Variants in CNTNAP2 observed in about 807,000 individuals in gnomAD.
CNTNAP2 encodes the protein contactin associated protein 2.
In CNTNAP2, 98 loss-of-function variants were observed where a neutral mutation model predicts 155.2. The ratio of observed to expected loss-of-function variants is 0.63; its 90% CI spans 0.54 to 0.75. CNTNAP2 has a LOEUF of 0.75. CNTNAP2 is among the 30% of genes least tolerant of loss of function. The probability of loss-of-function intolerance (pLI) is 0.00; values close to 1 mark genes in which losing one functional copy is unlikely to be tolerated. For synonymous variants in CNTNAP2, 651 were observed against 631.2 expected, an observed-to-expected ratio of 1.03 and a Z score of -0.47; for missense variants, 1,727 against 1,688.1, an observed-to-expected ratio of 1.02 and a Z score of -0.40.
chr7:147,052,434 A>G (rs1018562730), intron 4 of CNTNAP2, among the ~76,000 whole-genome samples: 3 of 152,054 alleles, frequency 2.0e-5, no homozygotes, highest in Non-Finnish European at 4.4e-5. Flanking sequence ...ACTGATTACT[A>G]TTTGAGGATG....
intron 1 of CNTNAP2, among the ~76,000 whole-genome samples, chr7:146,279,706 A>G (rs1405985690): frequency 6.6e-6 from 1 of 152,070 alleles, no homozygotes; most frequent in Non-Finnish European, 1.5e-5. Context: ...CAGAAAAAAT[A>G]TAACTGTAGT....
At chr7:148,055,183 C>T (rs1802984299) in intron 15 of CNTNAP2, among the ~76,000 whole-genome samples, 1 of 152,080 alleles carries the variant, frequency 6.6e-6, no homozygotes, top group Admixed American at 6.5e-5. Flanking sequence ...CATGCCCAGC[C>T]TATAAATAGG....
At chr7:147,856,278 C>T (rs983051926) in intron 13 of CNTNAP2, among the ~76,000 whole-genome samples, 30 of 152,126 alleles carry the variant, frequency 2.0e-4, no homozygotes, top group Admixed American at 1.8e-3. Context: ...GCCAGACTCA[C>T]TACATGAGCA....
intron 1 of CNTNAP2, among the ~76,000 whole-genome samples, chr7:146,752,895 T>A (rs1219121830): frequency 6.6e-6 from 1 of 152,170 alleles, no homozygotes; most frequent in Non-Finnish European, 1.5e-5. Context: ...TTTAAGTGAT[T>A]CATAAATCTC....
intron 14 of CNTNAP2, among the ~76,000 whole-genome samples, chr7:147,918,487 T>C (rs1800201311): frequency 6.6e-6 from 1 of 152,188 alleles, no homozygotes; most frequent in Admixed American, 6.5e-5. Flanking sequence ...AATGGGTGTG[T>C]ACTAATATGT....
intron 1 of CNTNAP2, among the ~76,000 whole-genome samples, chr7:146,614,092 A>T (rs563685782): frequency 2.0e-5 from 3 of 152,222 alleles, no homozygotes; most frequent in Admixed American, 2.0e-4. Context: ...AGCTTTTATT[A>T]TGACCCGTGA....
chr7:146,463,567 T>C (rs534123712), intron 1 of CNTNAP2, among the ~76,000 whole-genome samples: 2 of 152,134 alleles, frequency 1.3e-5, no homozygotes, highest in South Asian at 2.1e-4. Context: ...CACACACACA[T>C]ATACGTACAT....
chr7:148,206,351 CAT>C (rs1242915580), intron 18 of CNTNAP2, among the ~76,000 whole-genome samples: 2 of 149,828 alleles, frequency 1.3e-5, no homozygotes, highest in African/African-American at 2.4e-5. Flanking sequence ...CTAAATATAA[CAT>C]ATTTAATATG....
At chr7:147,379,939 G>T (rs759489616) in intron 9 of CNTNAP2, among the ~76,000 whole-genome samples, 20 of 151,970 alleles carry the variant, frequency 1.3e-4, no homozygotes, top group Admixed American at 5.9e-4. Flanking sequence ...ATACCCAAAA[G>T]CTTCTCCTAT....
intron 8 of CNTNAP2, among the ~76,000 whole-genome samples, chr7:147,182,472 C>A (rs575017737): frequency 6.6e-6 from 1 of 152,064 alleles, no homozygotes; most frequent in African/African-American, 2.4e-5. Flanking sequence ...ACTTTATTAA[C>A]CCTATACTAA....
At chr7:148,389,678 C>G (rs1799303272) in intron 22 of CNTNAP2, 1 of 152,148 alleles carries the variant, frequency 6.6e-6, no homozygotes. Flanking sequence ...TCTATAGTTT[C>G]TTACCAGAGA....
intron 10 of CNTNAP2, among the ~76,000 whole-genome samples, chr7:147,404,253 A>C (rs1796965483): frequency 6.6e-6 from 1 of 152,198 alleles, no homozygotes; most frequent in African/African-American, 2.4e-5. Context: ...ACAAATAATC[A>C]AAGAACAGGT....
chr7:147,336,520 A>G (rs1476052662), intron 9 of CNTNAP2, among the ~76,000 whole-genome samples: 5 of 152,178 alleles, frequency 3.3e-5, no homozygotes, highest in Admixed American at 3.3e-4. Context: ...CTTTTAGCAT[A>G]TGGGTGATAA....
chr7:148,018,088 C>A (rs906676197), intron 15 of CNTNAP2, among the ~76,000 whole-genome samples: 1 of 152,208 alleles, frequency 6.6e-6, no homozygotes, highest in Non-Finnish European at 1.5e-5. Flanking sequence ...ATCTCAGGAA[C>A]TCTTACTGCT....
At chr7:147,697,075 T>C (rs1262800552) in intron 13 of CNTNAP2, among the ~76,000 whole-genome samples, 1 of 152,210 alleles carries the variant, frequency 6.6e-6, no homozygotes, top group African/African-American at 2.4e-5. Context: ...TTTTTCCAAA[T>C]TAATGTGTGG....
intron 3 of CNTNAP2, among the ~76,000 whole-genome samples, chr7:146,948,524 T>C (rs552817349): frequency 6.6e-6 from 1 of 152,284 alleles, no homozygotes; most frequent in East Asian, 1.9e-4. Flanking sequence ...ATAGCCTTCA[T>C]TTAGGGCCTA....
chr7:146,442,194 T>A (rs1199068365), intron 1 of CNTNAP2, among the ~76,000 whole-genome samples: 2 of 151,688 alleles, frequency 1.3e-5, no homozygotes, highest in Non-Finnish European at 2.9e-5. Context: ...AAGCCACAAG[T>A]TATTTTTCTT....
chr7:146,189,330 GTGA>G (rs1237415147), intron 1 of CNTNAP2, among the ~76,000 whole-genome samples: 2 of 152,250 alleles, frequency 1.3e-5, no homozygotes, highest in East Asian at 1.9e-4. Context: ...GATGACAATG[GTGA>G]TGATGATGTT....
At chr7:147,306,929 G>T (rs759931390) in intron 9 of CNTNAP2, among the ~76,000 whole-genome samples, 1 of 152,126 alleles carries the variant, frequency 6.6e-6, no homozygotes, top group African/African-American at 2.4e-5. Flanking sequence ...CACAAAGAGT[G>T]CAATTAAAAG....
Sources: gnomAD v4.1 joint callset for allele counts (sites outside exome capture counted in the v4.1 genomes callset) on GRCh38, gnomAD v4.1.1 for gene constraint, MANE v1.5 for transcripts, NCBI Gene and HGNC (gene_info 2026-07-23, HGNC 2026-07-21) for gene names.